Variants in KAZN observed in about 807,000 individuals in gnomAD.
KAZN encodes kazrin, periplakin interacting protein.
Under a neutral mutation model 87.4 loss-of-function variants are expected in KAZN, and 40 were observed. The ratio of observed to expected loss-of-function variants is 0.46; its 90% CI spans 0.36 to 0.60. The LOEUF (loss-of-function observed/expected upper bound fraction) is 0.60, where lower values mean the gene tolerates loss of function less well. KAZN is among the 20% of genes least tolerant of loss of function. The probability of loss-of-function intolerance (pLI) is 0.00; values close to 1 mark genes in which losing one functional copy is unlikely to be tolerated. For synonymous variants in KAZN, 466 were observed against 458.3 expected (o/e 1.02, Z -0.22); for missense variants, 898 against 1,073.9 (o/e 0.84, Z 2.29).
intron 1 of KAZN, among the ~76,000 whole-genome samples, chr1:14,627,736 T>C (rs919649931): frequency 6.6e-6 from 1 of 152,174 alleles, no homozygotes; most frequent in Non-Finnish European, 1.5e-5. Context: ...AGGGTATTCA[T>C]GTTCTGGGTA....
intron 1 of KAZN, among the ~76,000 whole-genome samples, chr1:13,920,921 C>T (rs10927956): frequency 0.036 from 5,454 of 152,184 alleles, 330 homozygotes; most frequent in African/African-American, 0.12. Context: ...TCCAAGATGG[C>T]GATGCTCCTG....
chr1:14,675,335 G>A (rs1286247904), intron 1 of KAZN, among the ~76,000 whole-genome samples: 1 of 152,262 alleles, frequency 6.6e-6, no homozygotes, highest in Admixed American at 6.5e-5. Context: ...AGCATCAGGA[G>A]AGGGCCCGCA....
At chr1:14,484,689 G>A (rs965283633) in intron 2 of KAZN, among the ~76,000 whole-genome samples, 6 of 152,196 alleles carry the variant, frequency 3.9e-5, no homozygotes, top group South Asian at 4.1e-4. Flanking sequence ...TCCGCAAGGC[G>A]CATTCACATG....
At position 15,060,218 on chromosome 1, in the gene KAZN, C is replaced by G; in HGVS notation, c.963C>G (p.Ser321=). 6.2e-7 allele frequency: 1 copy of G among 1,614,252 alleles called. No individual in the cohort carries two copies. The highest frequency in any genetic ancestry group is 8.5e-7 in the Non-Finnish European group (1 of 1,180,046). ...ACTCCCGGCAGCCCTCTGTCATCTCCGACGCATCTGCCGCCGAAGGCGACC... is the reference window on the plus strand; with the variant it reads ...ACTCCCGGCAGCCCTCTGTCATCTCGGACGCATCTGCCGCCGAAGGCGACC... ...PCHSRQPSVI[S]DASAAEGDRS... The change falls in exon 6 of 15, where the codon TCC becomes TCG. Residue 321 remains serine, a synonymous_variant. Coordinates refer to ENST00000376030, the MANE Select transcript of KAZN (RefSeq NM_201628.3).
chr1:14,317,644 G>C (rs964983070), intron 2 of KAZN, among the ~76,000 whole-genome samples: 2 of 151,572 alleles, frequency 1.3e-5, no homozygotes, highest in Middle Eastern at 3.4e-3. Context: ...TATTTCTGAG[G>C]GTTCTGTCTT....
In KAZN at chr1:14,719,485, G is replaced by A. The variant is rs535781359; in HGVS notation, c.226+120262G>A. Among the ~76,000 whole-genome samples, 208 of 152,346 alleles carry A rather than the reference G, an allele frequency of 1.4e-3. 1 individual carries two copies. The highest frequency in any genetic ancestry group is 4.8e-3 in the African/African-American group (199 of 41,580). ...AACAGGAGGAAAAGAAGATGGGAGG[G>A]AGTGTAATTTTAAGGACAGTGGTTA... On this transcript the variant is annotated intron_variant, in intron 1 of 14. Coordinates refer to ENST00000376030, the MANE Select transcript of KAZN (RefSeq NM_201628.3).
intron 2 of KAZN, among the ~76,000 whole-genome samples, chr1:14,233,157 G>A (rs72644424): frequency 0.036 from 5,515 of 151,740 alleles, 162 homozygotes; most frequent in East Asian, 0.097. Context: ...TTTGAGACAA[G>A]GTCCCACTCT....
At chr1:14,795,518 G>T (rs893039376) in intron 1 of KAZN, among the ~76,000 whole-genome samples, 2 of 152,146 alleles carry the variant, frequency 1.3e-5, no homozygotes, top group African/African-American at 4.8e-5. Context: ...TCACAGATTT[G>T]CTCCCCTCCT....
At chr1:14,324,076 T>C (rs1007419939) in intron 2 of KAZN, among the ~76,000 whole-genome samples, 3 of 152,216 alleles carry the variant, frequency 2.0e-5, no homozygotes, top group African/African-American at 7.2e-5. Flanking sequence ...AATTGCATTC[T>C]GTTTTCCAAC....
At chr1:14,485,080 A>G (rs968583785) in intron 2 of KAZN, among the ~76,000 whole-genome samples, 1 of 152,174 alleles carries the variant, frequency 6.6e-6, no homozygotes, top group Non-Finnish European at 1.5e-5. Flanking sequence ...ATGTCACTCA[A>G]TCTATCACGT....
intron 2 of KAZN, among the ~76,000 whole-genome samples, chr1:14,997,344 G>A (rs1378663204): frequency 1.3e-5 from 2 of 150,750 alleles, no homozygotes; most frequent in Non-Finnish European, 3.0e-5. Context: ...GGGTTCGAGC[G>A]ATTCTCCTGC....
chr1:14,082,343 C>T (rs1643706480), intron 1 of KAZN, among the ~76,000 whole-genome samples: 4 of 152,120 alleles, frequency 2.6e-5, no homozygotes. Context: ...AGGAGAAAAC[C>T]ACCATTGCCT....
intron 2 of KAZN, among the ~76,000 whole-genome samples, chr1:14,362,637 T>C (rs1030126794): frequency 6.6e-6 from 1 of 152,170 alleles, no homozygotes; most frequent in Admixed American, 6.5e-5. Flanking sequence ...CAGGCATTGC[T>C]CCAGGCTCTT....
intron 1 of KAZN, chr1:13,893,771 G>A (rs914826622): frequency 4.5e-6 from 7 of 1,550,088 alleles, no homozygotes; most frequent in Non-Finnish European, 6.1e-6. Flanking sequence ...GAATTGCGTC[G>A]TGTGTCATGT....
Position 14,942,705 on chromosome 1 carries a change from T to C in KAZN, c.227-17979T>C, listed in dbSNP as rs141159600. On this transcript the variant is annotated intron_variant, in intron 1 of 14. Coordinates refer to ENST00000376030, the MANE Select transcript of KAZN (RefSeq NM_201628.3). Reference sequence around the variant, plus strand: ...GGAAGGACGCTTTTGCCCCTGGGCTTGTGCCTTGGGCTAGCTTTAGCTCAA... The same window carrying C: ...GGAAGGACGCTTTTGCCCCTGGGCTCGTGCCTTGGGCTAGCTTTAGCTCAA... Among the ~76,000 whole-genome samples the C allele has an allele frequency of 2.9e-3, 440 of 152,344 alleles. 10 individuals are homozygous for C. The East Asian group carries it at 0.043, about 15-fold the overall frequency.
intron 1 of KAZN, among the ~76,000 whole-genome samples, chr1:14,017,241 A>G (rs922135170): frequency 7.2e-5 from 11 of 152,176 alleles, no homozygotes; most frequent in African/African-American, 2.2e-4. Flanking sequence ...TGCAACTGCC[A>G]TCCTTACACC....
intron 1 of KAZN, among the ~76,000 whole-genome samples, chr1:14,798,673 A>G (rs989869331): frequency 1.3e-5 from 2 of 151,936 alleles, no homozygotes; most frequent in African/African-American, 2.4e-5. Context: ...CGACCTCATG[A>G]TCCTCCCGCC....
intron 1 of KAZN, among the ~76,000 whole-genome samples, chr1:14,843,798 CT>C (rs1648329445): frequency 6.6e-6 from 1 of 152,214 alleles, no homozygotes; most frequent in Non-Finnish European, 1.5e-5. Flanking sequence ...GTTGTCTTTT[CT>C]GCTAATCTTG....
chr1:14,550,148 T>C (rs1673414393), intron 2 of KAZN, among the ~76,000 whole-genome samples: 1 of 152,220 alleles, frequency 6.6e-6, no homozygotes, highest in African/African-American at 2.4e-5. Context: ...CTTAGACTTC[T>C]CTGTGCCAGG....
Sources: allele counts gnomAD v4.1 joint callset (sites outside exome capture counted in the v4.1 genomes callset), GRCh38; gene constraint gnomAD v4.1.1; transcripts MANE v1.5; gene names NCBI Gene and HGNC (gene_info 2026-07-23, HGNC 2026-07-21).